The following LRRC41 variants were observed in gnomAD, a reference collection of about 807,000 sequenced individuals.
LRRC41 encodes leucine-rich repeat-containing protein 41.
LRRC41 carries 17 observed loss-of-function variants against 72.1 expected under a neutral mutation model. The ratio of observed to expected loss-of-function variants is 0.24; its 90% CI spans 0.16 to 0.35. The LOEUF (loss-of-function observed/expected upper bound fraction) is 0.35. LRRC41 is among the 10% of genes least tolerant of loss of function. LRRC41 has a pLI of 1.00. For missense variants in LRRC41, 759 were observed against 1,065.0 expected (o/e 0.71, Z 4.00); for synonymous variants, 427 against 431.0 (o/e 0.99, Z 0.11).
At chr1:46,298,186 C>T (rs1221117392) in intron 2 of LRRC41, 98 bp downstream of exon 2, 8 of 855,010 alleles carry the variant, frequency 9.4e-6, no homozygotes, top group Admixed American at 4.9e-5. Flanking sequence ...TTGAAAAGCA[C>T]GAAGTTCTAG....
At chr1:46,295,836 A>G (rs1557718271) in intron 3 of LRRC41, among the ~76,000 whole-genome samples, 2 of 152,230 alleles carry the variant, frequency 1.3e-5, no homozygotes, top group African/African-American at 4.8e-5. Context: ...TGTTGTCCTC[A>G]TTCTGAACGC....
chr1:46,279,280 T>C lies in LRRC41; in HGVS notation c.2144-23A>G, dbSNP rs1557711669. The C allele has an allele frequency of 1.2e-6, 2 of 1,612,424 alleles. No homozygotes were observed. Among genetic ancestry groups the C allele is most frequent in the African/African-American group, 1.3e-5 (1 of 74,986 alleles). Reference sequence around the variant, plus strand: ...TCCCTGGAGAGAAGGGGAGAACGCCTATCACCTCCACCCAAGAACAGGGGA... The same window carrying C: ...TCCCTGGAGAGAAGGGGAGAACGCCCATCACCTCCACCCAAGAACAGGGGA... On this transcript the variant is annotated intron_variant, in intron 8 of 9. Transcript: ENST00000617190. The surrounding 1 kb of genome is among the most constrained non-coding windows in gnomAD (Gnocchi z 4.5).
chr1:46,277,861 G>A lies in LRRC41; in HGVS notation c.*1004C>T, dbSNP rs558153503. ...AGATCTTCCAGCGTCAGAGCCACAA[G>A]AAGGCACTGAGCAGCTGTGTGGTGG... On this transcript the variant is annotated 3_prime_UTR_variant, in exon 10 of 10. Coordinates refer to ENST00000617190, the MANE Select transcript of LRRC41 (RefSeq NM_006369.5). The A allele has an allele frequency of 2.9e-5, 47 of 1,613,010 alleles. No individual in the cohort carries two copies. The highest frequency in any genetic ancestry group is 3.6e-5 in the Non-Finnish European group (42 of 1,179,192).
intron 1 of LRRC41, chr1:46,301,910 A>G (rs1661237833): frequency 1.0e-6 from 1 of 969,190 alleles, no homozygotes; most frequent in East Asian, 1.2e-4. Flanking sequence ...ACCCTCACAG[A>G]GCCAGCAGCC....
chr1:46,303,134 G>A lies in LRRC41; in HGVS notation c.189C>T (p.Ser63=), dbSNP rs1423375115. The part of the protein sequence containing the change: ...AVSAHMGVLE[S]GVWALPGPIL... ...CACCCCGCGACTTACCCCACACCCC[G>A]CTCTCCAGAACCCCCATATGGGCGC... Residue 63 remains serine (S), a synonymous_variant, in exon 1 of 10, where the codon AGC becomes AGT. Coordinates refer to ENST00000617190, the MANE Select transcript of LRRC41 (RefSeq NM_006369.5). 2.4e-6 allele frequency: 3 copies of A among 1,268,674 alleles called. No homozygotes were observed. Among genetic ancestry groups the A allele is most frequent in the African/African-American group, 3.3e-5 (2 of 60,910 alleles). 78.6% of individuals were successfully genotyped at this position (1,268,674 alleles called of 1,614,324 possible).
Position 46,285,304 on chromosome 1 carries a change from A to G in LRRC41, c.1495+58T>C. ...CCCTCCCACCTCCCTAGAATTAGGC[A>G]CACAGCTGGTGCTGCTAGGCAATCT... On this transcript the variant is annotated intron_variant, in intron 4 of 9. Coordinates refer to ENST00000617190, the MANE Select transcript of LRRC41 (RefSeq NM_006369.5). The surrounding 1 kb of genome is among the most constrained non-coding windows in gnomAD (Gnocchi z 5.3). The G allele has an allele frequency of 6.3e-7, 1 of 1,575,930 alleles. No homozygotes were observed. The highest frequency in any genetic ancestry group is 1.1e-5 in the South Asian group (1 of 87,340).
intron 1 of LRRC41, among the ~76,000 whole-genome samples, chr1:46,301,538 G>A (rs946973662): frequency 6.6e-6 from 1 of 151,646 alleles, no homozygotes; most frequent in Non-Finnish European, 1.5e-5. Flanking sequence ...CCACCACTAT[G>A]CAGGACACTC....
At chr1:46,295,096 G>T (rs931896946) in intron 3 of LRRC41, among the ~76,000 whole-genome samples, 4 of 152,018 alleles carry the variant, frequency 2.6e-5, no homozygotes, top group Non-Finnish European at 5.9e-5. Context: ...TCTCTCTCCT[G>T]TTGCCCAGGC....
intron 1 of LRRC41, 86 bp downstream of exon 1, chr1:46,303,038 G>A: frequency 1.5e-6 from 2 of 1,341,006 alleles, no homozygotes; most frequent in Non-Finnish European, 1.9e-6. Flanking sequence ...CTTGCCCCGG[G>A]CCTCCCGGCC....
Position 46,278,036 on chromosome 1 carries a change from ATCTGTAGTGACT to A in LRRC41, c.*817_*828del. 1 of 1,614,088 alleles carries A rather than the reference ATCTGTAGTGACT, an allele frequency of 6.2e-7. No homozygotes were observed. Among genetic ancestry groups the A allele is most frequent in the Non-Finnish European group, 8.5e-7 (1 of 1,179,958 alleles). ...GCTACCCACACAGTAGGGAGATGGGATCTGTAGTGACTTCAGCTGTGCCTTCTGTCCCTAGGT... is the reference window on the plus strand; with the variant it reads ...GCTACCCACACAGTAGGGAGATGGGATCAGCTGTGCCTTCTGTCCCTAGGT... On this transcript the variant is annotated 3_prime_UTR_variant, in exon 10 of 10. Coordinates refer to ENST00000617190, the MANE Select transcript of LRRC41 (RefSeq NM_006369.5).
Position 46,285,687 on chromosome 1 carries a change from A to G in LRRC41, c.1170T>C (p.Arg390=). ...SSAPQPKPLK[R]FKRAAGKKGA... is the part of the protein sequence containing the mutation. ...CCTTCTTCCCTGCAGCTCGCTTGAA[A>G]CGCTTTAGGGGCTTAGGCTGTGGGG... Residue 390 remains arginine, a synonymous_variant, in exon 4 of 10, where the codon CGT becomes CGC. Coordinates refer to ENST00000617190, the MANE Select transcript of LRRC41 (RefSeq NM_006369.5). This position sits in a 1 kb window ranked among gnomAD's most constrained non-coding sequence, Gnocchi z 5.3. 2 of 1,613,978 alleles carry G rather than the reference A, an allele frequency of 1.2e-6. No homozygotes were observed. Among genetic ancestry groups the G allele is most frequent in the Non-Finnish European group, 1.7e-6 (2 of 1,179,966 alleles).
At chr1:46,283,950 C>T (rs907379017) in intron 4 of LRRC41, among the ~76,000 whole-genome samples, 3 of 152,058 alleles carry the variant, frequency 2.0e-5, no homozygotes, top group African/African-American at 7.2e-5. Context: ...GGGCGTGAGC[C>T]ACTGCGCCCG....
chr1:46,303,466 G>T lies in LRRC41; in HGVS notation c.-144C>A. The T allele has an allele frequency of 1.2e-6, 1 of 835,286 alleles. No homozygotes were observed. Among genetic ancestry groups the T allele is most frequent in the Non-Finnish European group, 1.8e-6 (1 of 555,078 alleles). 51.7% of individuals were successfully genotyped at this position (835,286 alleles called of 1,614,324 possible). A position where few individuals can be genotyped will look rare whatever the true frequency, so the allele number is the denominator to read the frequency against. On this transcript the variant is annotated 5_prime_UTR_variant, in exon 1 of 10. Transcript: ENST00000617190. ...TCGAAGAAATTAGCACACTTTCCAA[G>T]TCTCTTAGGAGCTACTATTTTAGAT... is the stretch of plus-strand genomic sequence containing the variant.
chr1:46,294,464 G>A (rs775135374), intron 3 of LRRC41, among the ~76,000 whole-genome samples: 2 of 151,970 alleles, frequency 1.3e-5, no homozygotes, highest in East Asian at 1.9e-4. Context: ...CTGGAATGTA[G>A]TGGCATGATC....
In LRRC41 at chr1:46,286,654, T is replaced by C. The variant is rs1391799346; in HGVS notation, c.358-155A>G. Among the ~76,000 whole-genome samples, 1 of 152,178 alleles carries C rather than the reference T, an allele frequency of 6.6e-6. No homozygotes were observed. The highest frequency in any genetic ancestry group is 2.4e-5 in the African/African-American group (1 of 41,434). On this transcript the variant is annotated intron_variant, in intron 3 of 9. Transcript: ENST00000617190. This position sits in a 1 kb window ranked among gnomAD's most constrained non-coding sequence, Gnocchi z 5.5. ...GAGGTATGTATTATTATTAGCCCTA[T>C]TTTACAGGTAAAACCGAGGCACAAA...
intron 1 of LRRC41, chr1:46,301,834 T>A: frequency 2.2e-6 from 1 of 452,672 alleles, no homozygotes; most frequent in Non-Finnish European, 2.9e-6. Flanking sequence ...CCTGCCCCCC[T>A]CCCCAGCAGG....
rs971436821 is a variant in LRRC41 at position 46,302,455 on chromosome 1, T to C, written c.199+669A>G. On this transcript the variant is annotated intron_variant, in intron 1 of 9. Coordinates refer to ENST00000617190, the MANE Select transcript of LRRC41 (RefSeq NM_006369.5). The surrounding 1 kb of genome is among the most constrained non-coding windows in gnomAD (Gnocchi z 4.7). ...ACGGTCGCTCGGTCGCTTAGTCAGT[T>C]TGGCACCCGAGACCCCGGTTGTCGG... 4.1e-6 allele frequency: 4 copies of C among 985,240 alleles called. No individual in the cohort carries two copies. The highest frequency in any genetic ancestry group is 4.7e-5 in the South Asian group (1 of 21,280). The allele number at this position is 985,240 out of a possible 1,614,324, so 61.0% of individuals were successfully genotyped here. A position where few individuals can be genotyped will look rare whatever the true frequency, so the allele number is the denominator to read the frequency against.
chr1:46,281,031 GA>G (rs1229657183), intron 5 of LRRC41, 93 bp downstream of exon 5: 7 of 1,516,920 alleles, frequency 4.6e-6, no homozygotes, highest in Non-Finnish European at 6.3e-6. Context: ...AGTGATAGAA[GA>G]GGTCCTTCCC....
intron 3 of LRRC41, among the ~76,000 whole-genome samples, chr1:46,288,995 G>T (rs1329859227): frequency 6.6e-6 from 1 of 152,246 alleles, no homozygotes; most frequent in African/African-American, 2.4e-5. Flanking sequence ...GAGTGAGTCA[G>T]ATGGTTATTA....
Sources: allele counts gnomAD v4.1 joint callset (sites outside exome capture counted in the v4.1 genomes callset), GRCh38; gene constraint gnomAD v4.1.1; non-coding constraint Gnocchi (gnomAD v3.1); transcripts MANE v1.5; gene names NCBI Gene and HGNC (gene_info 2026-07-23, HGNC 2026-07-21).